LGI2: variants seen among roughly 807,000 people sequenced by gnomAD.
LGI2 encodes leucine rich repeat LGI family member 2.
Under a neutral mutation model 52.0 loss-of-function variants are expected in LGI2, and 30 were observed. The ratio of observed to expected loss-of-function variants is 0.58; its 90% confidence interval spans 0.43 to 0.78. The LOEUF is 0.78. Among genes scored for constraint, LGI2 ranks in the 30% least tolerant of loss-of-function variants. The probability of loss-of-function intolerance (pLI) is 0.00; values close to 1 mark genes in which losing one functional copy is unlikely to be tolerated. For synonymous variants in LGI2, 270 were observed against 271.8 expected (o/e 0.99, Z 0.06); for missense variants, 573 against 692.5 (o/e 0.83, Z 1.94).
At position 25,003,389 on chromosome 4, in the gene LGI2, T is replaced by C; in HGVS notation, c.*62A>G. 1 of 1,193,676 alleles carries C rather than the reference T, an allele frequency of 8.4e-7. No individual in the cohort carries two copies. Among genetic ancestry groups the C allele is most frequent in the Non-Finnish European group, 1.2e-6 (1 of 852,650 alleles). The allele number at this position is 1,193,676 out of a possible 1,614,324, so 73.9% of individuals were successfully genotyped here. A position where few individuals can be genotyped will look rare whatever the true frequency, so the allele number is the denominator to read the frequency against. ...CCTGGCTTTGATTTGTTTGTTGATT[T>C]TTCTTGGTCCTCTTTTGTGAGAGCT... On this transcript the variant is annotated 3_prime_UTR_variant, in exon 8 of 8. Transcript: ENST00000382114.
chr4:25,021,700 G>C (rs1006307645), intron 4 of LGI2, among the ~76,000 whole-genome samples: 2 of 152,080 alleles, frequency 1.3e-5, no homozygotes, highest in Non-Finnish European at 2.9e-5. Flanking sequence ...GGGAGGCCGA[G>C]GTGGGTGGAT....
chr4:25,016,614 T>C (rs1348834195), intron 6 of LGI2, among the ~76,000 whole-genome samples: 1 of 152,226 alleles, frequency 6.6e-6, no homozygotes, highest in Non-Finnish European at 1.5e-5. Context: ...AAGTCATTTC[T>C]GTGAGATTGC....
At chr4:25,020,374 C>T (rs895573605) in intron 4 of LGI2, among the ~76,000 whole-genome samples, 3 of 152,186 alleles carry the variant, frequency 2.0e-5, no homozygotes, top group African/African-American at 4.8e-5. Flanking sequence ...AGTGCCCTGT[C>T]ATCATCCTGT....
rs1268259256 is a variant in LGI2 at position 25,014,850 on chromosome 4, AAAAAG to A, written c.656-2356_656-2352del. ...TGTCTCAAAAAAAAAAAAAAAAAAAAAAAAGAGAGAGAGAGAGAGAGAATGAAAAG... is the reference window on the plus strand; with the variant it reads ...TGTCTCAAAAAAAAAAAAAAAAAAAAAGAGAGAGAGAGAGAGAATGAAAAG... On this transcript the variant is annotated intron_variant, in intron 6 of 7. Transcript: ENST00000382114. Among the ~76,000 whole-genome samples the A allele has an allele frequency of 1.9e-4, 24 of 124,698 alleles. No individual in the cohort carries two copies. In the East Asian group the frequency reaches 6.4e-3, roughly 34 times the overall value. 81.8% of individuals were successfully genotyped at this position (124,698 alleles called of 152,430 possible).
Position 25,002,052 on chromosome 4 carries a change from AC to A in LGI2, c.*1398del, listed in dbSNP as rs1179874428. 1.2e-4 allele frequency: 19 copies of A among 152,150 alleles called. No homozygotes were observed. The highest frequency in any genetic ancestry group is 2.6e-4 in the Non-Finnish European group (18 of 68,102). 9.4% of individuals were successfully genotyped at this position (152,150 alleles called of 1,614,324 possible). A position where few individuals can be genotyped will look rare whatever the true frequency, so the allele number is the denominator to read the frequency against. Reference sequence around the variant, plus strand: ...CACTAAGAATCTTCCACATAACCAGACCCCAGGAGCTTGCCTATTGCCCATA... The same window carrying A: ...CACTAAGAATCTTCCACATAACCAGACCCAGGAGCTTGCCTATTGCCCATA... On this transcript the variant is annotated 3_prime_UTR_variant, in exon 8 of 8. Coordinates refer to ENST00000382114, the MANE Select transcript of LGI2 (RefSeq NM_018176.4).
At chr4:25,008,794 T>C (rs890073931) in intron 7 of LGI2, among the ~76,000 whole-genome samples, 3 of 152,070 alleles carry the variant, frequency 2.0e-5, no homozygotes, top group African/African-American at 7.2e-5. Flanking sequence ...AGGAGCCGGG[T>C]GGGCTTCATG....
downstream of LGI2, among the ~76,000 whole-genome samples, chr4:24,995,159 G>A (rs1465690012): frequency 2.6e-5 from 4 of 152,186 alleles, no homozygotes; most frequent in Non-Finnish European, 5.9e-5. Flanking sequence ...TTGTGGAAAT[G>A]ACGTCTCTCT....
chr4:25,007,383 C>T (rs1725425422), intron 7 of LGI2, among the ~76,000 whole-genome samples: 1 of 152,164 alleles, frequency 6.6e-6, no homozygotes, highest in African/African-American at 2.4e-5. Flanking sequence ...TTCCACCCTG[C>T]CAGCACTAAT....
intron 6 of LGI2, among the ~76,000 whole-genome samples, chr4:25,016,800 C>T (rs555370640): frequency 3.3e-5 from 5 of 152,136 alleles, no homozygotes; most frequent in Non-Finnish European, 7.4e-5. Context: ...GTTTCTGTAA[C>T]TATTTTCTGT....
intron 6 of LGI2, among the ~76,000 whole-genome samples, chr4:25,017,582 T>G (rs1171474480): frequency 1.3e-5 from 2 of 151,324 alleles, no homozygotes; most frequent in African/African-American, 2.4e-5. Context: ...CTGATGTTTG[T>G]TAGTTAAATG....
rs1725190493 is a variant in LGI2 at position 24,999,993 on chromosome 4, C to T, written c.*3458G>A. On this transcript the variant is annotated 3_prime_UTR_variant, in exon 8 of 8. Coordinates refer to ENST00000382114, the MANE Select transcript of LGI2 (RefSeq NM_018176.4). ...GCAGGGGGAGAAACAACCAGACCAG[C>T]TAGATATCCTCCTTAGTACAACAGA... 5 of 382,904 alleles carry T rather than the reference C, an allele frequency of 1.3e-5. No homozygotes were observed. 23.7% of individuals were successfully genotyped at this position (382,904 alleles called of 1,614,324 possible).
chr4:25,030,256 G>A (rs2109429860), intron 1 of LGI2, among the ~76,000 whole-genome samples: 1 of 152,328 alleles, frequency 6.6e-6, no homozygotes, highest in Non-Finnish European at 1.5e-5. Flanking sequence ...CAGGTGGCCC[G>A]TGGGCCACAC....
At position 25,003,772 on chromosome 4, in the gene LGI2, G is replaced by A. The variant is rs1433470440; in HGVS notation, c.1317C>T (p.Phe439=). ...ACCTCATGACCCGGGAGTCCCCGAT[G>A]AAGCGGGTAAGGGAAAGGTAGAGGG... ...QNTLYLSLTR[F]IGDSRVMRWN... is the part of the protein sequence containing the mutation. The change falls in exon 8 of 8, where the codon TTC becomes TTT. Residue 439 remains phenylalanine, a synonymous_variant. Transcript: ENST00000382114. 1 of 1,614,182 alleles carries A rather than the reference G, an allele frequency of 6.2e-7. No individual in the cohort carries two copies. The highest frequency in any genetic ancestry group is 2.2e-5 in the East Asian group (1 of 44,880).
chr4:25,015,381 T>A (rs1337090895), intron 6 of LGI2, among the ~76,000 whole-genome samples: 3 of 152,196 alleles, frequency 2.0e-5, no homozygotes, highest in African/African-American at 7.2e-5. Flanking sequence ...TAACAGGGAC[T>A]TTTGAGGTGG....
rs1378044937 is a variant in LGI2, at chr4:25,002,602, T to A, written c.*849A>T. On this transcript the variant is annotated 3_prime_UTR_variant, in exon 8 of 8. Coordinates refer to ENST00000382114, the MANE Select transcript of LGI2 (RefSeq NM_018176.4). ...TGTTTCATCCCTCTAAAGGATGAAATGAAAAGCACCAGTCTTTGGCCTGCC... is the reference window on the plus strand; with the variant it reads ...TGTTTCATCCCTCTAAAGGATGAAAAGAAAAGCACCAGTCTTTGGCCTGCC... 1 of 152,528 alleles carries A rather than the reference T, an allele frequency of 6.6e-6. No homozygotes were observed. The highest frequency in any genetic ancestry group is 2.4e-5 in the African/African-American group (1 of 41,414). 9.4% of individuals were successfully genotyped at this position (152,528 alleles called of 1,614,324 possible).
chr4:25,010,009 A>T (rs1316617960), intron 7 of LGI2, among the ~76,000 whole-genome samples: 2 of 149,736 alleles, frequency 1.3e-5, no homozygotes, highest in Non-Finnish European at 2.9e-5. Context: ...GCGTTCAAGA[A>T]ATCTTTGAGA....
chr4:25,028,748 C>T (rs1726225936), intron 1 of LGI2, among the ~76,000 whole-genome samples, 170 bp from the exon 2 acceptor site: 1 of 152,128 alleles, frequency 6.6e-6, no homozygotes, highest in African/African-American at 2.4e-5. Flanking sequence ...AAGAGACAAG[C>T]CACTTCCCAA....
rs1458809904 is a variant in LGI2, at chr4:25,003,025, G to A, written c.*426C>T. ...AACTAATAATCAGCAAATCTTTTCAGCAGACTTTTGGCTTTAAGAGTTCTT... is the reference window on the plus strand; with the variant it reads ...AACTAATAATCAGCAAATCTTTTCAACAGACTTTTGGCTTTAAGAGTTCTT... On this transcript the variant is annotated 3_prime_UTR_variant, in exon 8 of 8. Transcript: ENST00000382114. 1 of 154,312 alleles carries A rather than the reference G, an allele frequency of 6.5e-6. No homozygotes were observed. Among genetic ancestry groups the A allele is most frequent in the East Asian group, 1.9e-4 (1 of 5,256 alleles). The allele number at this position is 154,312 out of a possible 1,614,324, so 9.6% of individuals were successfully genotyped here.
At position 25,001,517 on chromosome 4, in the gene LGI2, G is replaced by T. The variant is rs1317097197; in HGVS notation, c.*1934C>A. 1.3e-5 allele frequency: 2 copies of T among 152,122 alleles called. No individual in the cohort carries two copies. The highest frequency in any genetic ancestry group is 2.9e-5 in the Non-Finnish European group (2 of 68,042). 9.4% of individuals were successfully genotyped at this position (152,122 alleles called of 1,614,324 possible). A position where few individuals can be genotyped will look rare whatever the true frequency, so the allele number is the denominator to read the frequency against. On this transcript the variant is annotated 3_prime_UTR_variant, in exon 8 of 8. Coordinates refer to ENST00000382114, the MANE Select transcript of LGI2 (RefSeq NM_018176.4). ...GCTCTTTCCCTTTCAGCCTCCAATG[G>T]GGGGACCTGGGCATTTGTAGCCTGT... is the stretch of plus-strand genomic sequence containing the variant.
Sources: gnomAD v4.1 joint callset for allele counts (sites outside exome capture counted in the v4.1 genomes callset) on GRCh38, gnomAD v4.1.1 for gene constraint, MANE v1.5 for transcripts, NCBI Gene and HGNC (gene_info 2026-07-23, HGNC 2026-07-21) for gene names.